C2orf80: variants seen among roughly 807,000 people sequenced by gnomAD.
C2orf80 encodes the protein uncharacterized protein C2orf80.
C2orf80 carries 28 observed loss-of-function variants against 30.2 expected under a neutral mutation model. The ratio of observed to expected loss-of-function variants is 0.93; its 90% CI spans 0.69 to 1.27. The LOEUF (loss-of-function observed/expected upper bound fraction) is 1.27, where lower values mean the gene tolerates loss of function less well. C2orf80 is among the 50% of genes most tolerant of loss of function. The probability of loss-of-function intolerance (pLI) is 0.00; values close to 1 mark genes in which losing one functional copy is unlikely to be tolerated. For synonymous variants in C2orf80, 80 were observed against 76.4 expected (o/e 1.05, Z -0.24); for missense variants, 220 against 231.0 (o/e 0.95, Z 0.31).
intron 8 of C2orf80, among the ~76,000 whole-genome samples, chr2:208,170,655 G>T (rs1696066342): frequency 6.6e-6 from 1 of 152,072 alleles, no homozygotes; most frequent in Admixed American, 6.5e-5. Context: ...TTTATTTGGG[G>T]TTTACTCCAT....
rs1282596446 is a variant in C2orf80 at position 208,181,277 on chromosome 2, A to G, written c.235T>C (p.Tyr79His). The G allele has an allele frequency of 6.2e-7, 1 of 1,610,876 alleles. No homozygotes were observed. The highest frequency in any genetic ancestry group is 8.5e-7 in the Non-Finnish European group (1 of 1,177,144). Residue 79 changes from tyrosine (Y) to histidine (H), a missense_variant, in exon 5 of 9, where the codon TAT becomes CAT. Coordinates refer to ENST00000341287, the MANE Select transcript of C2orf80 (RefSeq NM_001099334.3). Reference sequence around the variant, plus strand: ...GCTTCTCGTTCTCTACGATTTGGATATATGGGTCTGCCATGGAGTGGTATT... The same window carrying G: ...GCTTCTCGTTCTCTACGATTTGGATGTATGGGTCTGCCATGGAGTGGTATT... Reference protein sequence around the residue: ...LKIPLHGRPIYPNRREREAMI... With the variant: ...LKIPLHGRPIHPNRREREAMI...
chr2:208,177,272 T>C (rs1422067104), intron 6 of C2orf80, among the ~76,000 whole-genome samples: 1 of 151,400 alleles, frequency 6.6e-6, no homozygotes, highest in African/African-American at 2.4e-5. Flanking sequence ...CCAGACGTGG[T>C]GGCTCACGCC....
intron 3 of C2orf80, 77 bp from the exon 4 acceptor site, chr2:208,183,124 G>A: frequency 8.8e-7 from 1 of 1,136,530 alleles, no homozygotes; most frequent in Non-Finnish European, 1.3e-6. Context: ...CAATGACAAT[G>A]GGACTGCTAA....
At chr2:208,181,082 A>T (rs1250273347) in intron 5 of C2orf80, 136 bp downstream of exon 5, 27 of 724,482 alleles carry the variant, frequency 3.7e-5, no homozygotes, top group Non-Finnish European at 3.1e-5. Flanking sequence ...TACTTTAAAA[A>T]ACGAAACATT....
At chr2:208,187,424 C>A (rs1696750492) in intron 1 of C2orf80, among the ~76,000 whole-genome samples, 1 of 152,128 alleles carries the variant, frequency 6.6e-6, no homozygotes, top group South Asian at 2.1e-4. Flanking sequence ...TTTCTGTGAG[C>A]ATTCAACTCC....
At chr2:208,169,269 T>TTGTGTG (rs10658929) in intron 8 of C2orf80, among the ~76,000 whole-genome samples, 2,357 of 138,038 alleles carry the variant, frequency 0.017, 64 homozygotes, top group East Asian at 0.089. Context: ...AAAGTCTAGA[T>TTGTGTG]TGTGTGTGTG....
At chr2:208,171,775 T>C (rs1448269583) in intron 7 of C2orf80, among the ~76,000 whole-genome samples, 1 of 152,170 alleles carries the variant, frequency 6.6e-6, no homozygotes, top group Non-Finnish European at 1.5e-5. Context: ...TTTGGAGTGC[T>C]TTGCTCCCAT....
At chr2:208,167,862 C>T (rs959655018) in intron 8 of C2orf80, among the ~76,000 whole-genome samples, 14 of 145,572 alleles carry the variant, frequency 9.6e-5, no homozygotes, top group African/African-American at 3.6e-4. Context: ...AGGCATGAGC[C>T]ATCGTGCCTG....
At chr2:208,167,947 T>C (rs982616730) in intron 8 of C2orf80, among the ~76,000 whole-genome samples, 4 of 151,184 alleles carry the variant, frequency 2.6e-5, no homozygotes, top group Non-Finnish European at 2.9e-5. Flanking sequence ...TGGAAATAAA[T>C]AAAAAATTCT....
At chr2:208,172,447 A>G (rs1574359057) in intron 6 of C2orf80, among the ~76,000 whole-genome samples, 1 of 151,996 alleles carries the variant, frequency 6.6e-6, no homozygotes, top group East Asian at 1.9e-4. Flanking sequence ...GTCCTCCCAC[A>G]CCCACTCTCC....
chr2:208,174,172 T>C (rs1696202062), intron 6 of C2orf80, among the ~76,000 whole-genome samples: 1 of 152,108 alleles, frequency 6.6e-6, no homozygotes, highest in Non-Finnish European at 1.5e-5. Context: ...TAGGTTGGTC[T>C]CGAACTCCTG....
Position 208,187,006 on chromosome 2 carries a change from G to A in C2orf80, c.-20C>T, listed in dbSNP as rs1161394959. 11 of 1,613,580 alleles carry A rather than the reference G, an allele frequency of 6.8e-6. No homozygotes were observed. The highest frequency in any genetic ancestry group is 3.3e-5 in the Admixed American group (2 of 60,020). ...TTCCATGTTAAAGGCTTAGCCAGCT[G>A]AGCAGGTATCTGCAGCTAACACTAC... On this transcript the variant is annotated 5_prime_UTR_variant, in exon 2 of 9. Transcript: ENST00000341287.
chr2:208,171,960 C>T (rs752297695), intron 7 of C2orf80, 28 bp downstream of exon 7: 11 of 1,572,166 alleles, frequency 7.0e-6, no homozygotes, highest in East Asian at 4.5e-5. Flanking sequence ...TTACATTCCT[C>T]TAAGCAGGTG....
Position 208,172,859 on chromosome 2 carries a change from G to A in C2orf80, c.367-784C>T, listed in dbSNP as rs141063462. ...TGGCCAGGCGCAGTGGGTCATGCCT[G>A]CAATCCCAGCTCTTTGGGAGGCTGA... is the stretch of plus-strand genomic sequence containing the variant. On this transcript the variant is annotated intron_variant, in intron 6 of 8. Transcript: ENST00000341287. Among the ~76,000 whole-genome samples the A allele has an allele frequency of 8.1e-3, 1,240 of 152,288 alleles. 17 individuals carry two copies. The highest frequency in any genetic ancestry group is 0.027 in the African/African-American group (1,130 of 41,568).
chr2:208,175,737 G>T (rs1331967512), intron 6 of C2orf80, among the ~76,000 whole-genome samples: 1 of 149,136 alleles, frequency 6.7e-6, no homozygotes, highest in Non-Finnish European at 1.5e-5. Flanking sequence ...TTGCAATATC[G>T]TTTTTTTTTT....
intron 6 of C2orf80, among the ~76,000 whole-genome samples, chr2:208,174,637 T>C (rs1696219284): frequency 6.6e-6 from 1 of 152,148 alleles, no homozygotes; most frequent in Non-Finnish European, 1.5e-5. Context: ...TATGGGGAAA[T>C]TGGGAATCAG....
At chr2:208,166,469 C>T (rs1376413069) in intron 8 of C2orf80, among the ~76,000 whole-genome samples, 1 of 152,176 alleles carries the variant, frequency 6.6e-6, no homozygotes, top group East Asian at 1.9e-4. Flanking sequence ...CAAAGCAAAT[C>T]AGTTTTTGGC....
Position 208,171,072 on chromosome 2 carries a change from A to G in C2orf80, c.455-9T>C. ...CTTTCTTGACTTGACACCTACAGAC[A>G]GATGCAGTAACCATATCTGTATATA... On this transcript the variant is annotated splice_polypyrimidine_tract_variant and intron_variant, in intron 7 of 8. Transcript: ENST00000341287. 1 of 1,581,322 alleles carries G rather than the reference A, an allele frequency of 6.3e-7. No individual in the cohort carries two copies. Among genetic ancestry groups the G allele is most frequent in the Non-Finnish European group, 8.7e-7 (1 of 1,150,184 alleles).
chr2:208,169,498 G>C (rs1235459735), intron 8 of C2orf80, among the ~76,000 whole-genome samples: 1 of 151,972 alleles, frequency 6.6e-6, no homozygotes, highest in Non-Finnish European at 1.5e-5. Flanking sequence ...TTGGGGGGCT[G>C]AGGCAGGAGT....
Sources: gnomAD v4.1 joint callset for allele counts (sites outside exome capture counted in the v4.1 genomes callset) on GRCh38, gnomAD v4.1.1 for gene constraint, MANE v1.5 for transcripts, NCBI Gene and HGNC (gene_info 2026-07-23, HGNC 2026-07-21) for gene names.